GRIK4: variants seen among roughly 807,000 people sequenced by gnomAD.
The protein encoded by GRIK4 is glutamate receptor ionotropic, kainate 4.
GRIK4 carries 40 observed loss-of-function variants against 104.9 expected under a neutral mutation model. That is an observed-to-expected ratio of 0.38 (90% CI 0.30 to 0.50). GRIK4 has a LOEUF of 0.50. Ranked by LOEUF, GRIK4 falls within the 20% of genes least tolerant of loss-of-function variation. The pLI, the probability that GRIK4 is intolerant of heterozygous loss-of-function variation, is 0.93. For missense variants in GRIK4, 1,047 were observed against 1,308.1 expected, an observed-to-expected ratio of 0.80 and a Z score of 3.08; for synonymous variants, 485 against 524.9, an observed-to-expected ratio of 0.92 and a Z score of 1.04.
At chr11:120,518,746 G>A (rs1203830094) in intron 1 of GRIK4, among the ~76,000 whole-genome samples, 1 of 152,182 alleles carries the variant, frequency 6.6e-6, no homozygotes, top group Non-Finnish European at 1.5e-5. Context: ...AGCCTCCTGA[G>A]TAGCTGGAAT....
intron 1 of GRIK4, chr11:120,514,872 G>C (rs1947706214): frequency 4.7e-6 from 2 of 425,196 alleles, no homozygotes; most frequent in Admixed American, 5.1e-5. Context: ...CACTGCCGTG[G>C]TCCCTACTTG....
intron 8 of GRIK4, among the ~76,000 whole-genome samples, chr11:120,851,475 C>A (rs1282947710): frequency 6.6e-6 from 1 of 152,164 alleles, no homozygotes. Flanking sequence ...ACGTGCCATG[C>A]CGTGTAATTA....
At chr11:120,963,612 A>G (rs1422603067) in intron 18 of GRIK4, among the ~76,000 whole-genome samples, 1 of 152,148 alleles carries the variant, frequency 6.6e-6, no homozygotes, top group Non-Finnish European at 1.5e-5. Context: ...CTGGGAGAAA[A>G]TTGGTATACG....
chr11:120,529,806 G>A (rs1444551397), intron 1 of GRIK4, among the ~76,000 whole-genome samples: 1 of 152,172 alleles, frequency 6.6e-6, no homozygotes, highest in Non-Finnish European at 1.5e-5. Context: ...TCCAACAAAG[G>A]TGCTTTCACA....
intron 3 of GRIK4, among the ~76,000 whole-genome samples, chr11:120,717,729 G>A (rs1950860119): frequency 1.3e-5 from 2 of 152,144 alleles, no homozygotes; most frequent in South Asian, 2.1e-4. Flanking sequence ...GGGCTTGGGT[G>A]GGGAAAGCCT....
chr11:120,768,348 A>G (rs1053601982), intron 3 of GRIK4, among the ~76,000 whole-genome samples: 1 of 151,842 alleles, frequency 6.6e-6, no homozygotes, highest in African/African-American at 2.4e-5. Context: ...TTTCTTTTTC[A>G]GCCAAGTCAT....
intron 18 of GRIK4, among the ~76,000 whole-genome samples, chr11:120,963,795 A>G (rs1167653845): frequency 1.3e-5 from 2 of 152,096 alleles, no homozygotes; most frequent in African/African-American, 4.8e-5. Context: ...CCTTAGATGC[A>G]TTCTTTAGCC....
At chr11:120,969,079 A>T (rs911626500) in intron 19 of GRIK4, among the ~76,000 whole-genome samples, 17 of 152,206 alleles carry the variant, frequency 1.1e-4, no homozygotes, top group Admixed American at 6.5e-4. Flanking sequence ...GAGGTATCCC[A>T]GCACATCACT....
chr11:120,536,525 G>C (rs1232315924), intron 1 of GRIK4, among the ~76,000 whole-genome samples: 1 of 152,204 alleles, frequency 6.6e-6, no homozygotes, highest in Non-Finnish European at 1.5e-5. Flanking sequence ...GGCCTGGAGA[G>C]AGGTCACATT....
chr11:120,879,002 G>A (rs1023029354), intron 11 of GRIK4, among the ~76,000 whole-genome samples: 1 of 152,124 alleles, frequency 6.6e-6, no homozygotes, highest in African/African-American at 2.4e-5. Context: ...CACCACATGC[G>A]CACTTTGCAC....
At chr11:120,828,605 G>A (rs958961563) in intron 6 of GRIK4, among the ~76,000 whole-genome samples, 5 of 152,212 alleles carry the variant, frequency 3.3e-5, no homozygotes, top group African/African-American at 1.2e-4. Context: ...TGGCATTGCT[G>A]GGGTTGGCAC....
chr11:120,846,643 G>T (rs181560287), intron 8 of GRIK4, among the ~76,000 whole-genome samples: 93 of 152,282 alleles, frequency 6.1e-4, no homozygotes, highest in Non-Finnish European at 9.1e-4. Context: ...ACGTTTGCTG[G>T]ACTTTTCAGC....
intron 3 of GRIK4, among the ~76,000 whole-genome samples, chr11:120,680,225 G>T (rs558840946): frequency 2.0e-5 from 3 of 152,240 alleles, no homozygotes; most frequent in Non-Finnish European, 2.9e-5. Flanking sequence ...CTACAGGTGC[G>T]CTCCAGCATG....
intron 13 of GRIK4, among the ~76,000 whole-genome samples, chr11:120,934,152 C>G (rs1943542100): frequency 6.8e-6 from 1 of 146,648 alleles, no homozygotes. Flanking sequence ...TTGCAGTGAG[C>G]CGAGATCACG....
Position 120,535,201 on chromosome 11 carries a change from G to A in GRIK4, c.-159+23314G>A, listed in dbSNP as rs543772744. On this transcript the variant is annotated intron_variant, in intron 1 of 20. Coordinates refer to ENST00000527524, the MANE Select transcript of GRIK4 (RefSeq NM_014619.5). ...TGTCTGAGCAGGCTCCAGCACACCCGGGAGAGAGCCTGGTGGGTGGCAGAT... is the reference window on the plus strand; with the variant it reads ...TGTCTGAGCAGGCTCCAGCACACCCAGGAGAGAGCCTGGTGGGTGGCAGAT... Among the ~76,000 whole-genome samples, 17 of 152,154 alleles carry A rather than the reference G, an allele frequency of 1.1e-4. No individual in the cohort carries two copies. The East Asian group carries it at 1.9e-3, about 17-fold the overall frequency.
At chr11:120,779,283 G>C (rs972881157) in intron 3 of GRIK4, among the ~76,000 whole-genome samples, 5 of 152,134 alleles carry the variant, frequency 3.3e-5, no homozygotes, top group African/African-American at 1.2e-4. Context: ...TATCATGTCT[G>C]TCCTTACCCT....
intron 1 of GRIK4, among the ~76,000 whole-genome samples, chr11:120,525,147 G>T (rs989890089): frequency 6.6e-6 from 1 of 151,982 alleles, no homozygotes; most frequent in Non-Finnish European, 1.5e-5. Context: ...GGGAAGGGGC[G>T]CTGGGAAGGG....
At position 120,905,787 on chromosome 11, in the gene GRIK4, C is replaced by G. The variant is rs910717131; in HGVS notation, c.1476+294C>G. The stretch of plus-strand genomic sequence containing the variant: ...GGGAGTTTGGGTTCCATTTTTGGTG[C>G]TTTTTGATTGTTCTGATTATTTTGT... On this transcript the variant is annotated intron_variant, in intron 13 of 20. Transcript: ENST00000527524. This position sits in a 1 kb window ranked among gnomAD's most constrained non-coding sequence, Gnocchi z 5.1. Among the ~76,000 whole-genome samples, 1 of 152,084 alleles carries G rather than the reference C, an allele frequency of 6.6e-6. No homozygotes were observed. Among genetic ancestry groups the G allele is most frequent in the Non-Finnish European group, 1.5e-5 (1 of 68,024 alleles).
At chr11:120,958,801 A>C (rs1432348992) in intron 16 of GRIK4, among the ~76,000 whole-genome samples, 1 of 152,120 alleles carries the variant, frequency 6.6e-6, no homozygotes, top group African/African-American at 2.4e-5. Flanking sequence ...GTCCACACCT[A>C]GGGCTCATTA....
Sources: allele counts gnomAD v4.1 joint callset (sites outside exome capture counted in the v4.1 genomes callset), GRCh38; gene constraint gnomAD v4.1.1; non-coding constraint Gnocchi (gnomAD v3.1); transcripts MANE v1.5; gene names NCBI Gene and HGNC (gene_info 2026-07-23, HGNC 2026-07-21).